The following RETREG2 variants were observed in gnomAD, a reference collection of about 807,000 sequenced individuals.
RETREG2 encodes the protein reticulophagy regulator 2.
In RETREG2, 21 loss-of-function variants were observed where a neutral mutation model predicts 51.6. The observed-to-expected ratio is 0.41, with a 90% CI of 0.29 to 0.59. RETREG2 has a LOEUF of 0.59. Among genes scored for constraint, RETREG2 ranks in the 20% least tolerant of loss-of-function variants. RETREG2 has a pLI of 0.34. For missense variants in RETREG2, 674 were observed against 646.0 expected, an observed-to-expected ratio of 1.04 and a Z score of -0.47; for synonymous variants, 339 against 288.6, an observed-to-expected ratio of 1.17 and a Z score of -1.77.
chr2:219,180,147 A>C lies in RETREG2; in HGVS notation c.457A>C (p.Ser153Arg). The C allele has an allele frequency of 6.2e-7, 1 of 1,614,124 alleles. No individual in the cohort carries two copies. Among genetic ancestry groups the C allele is most frequent in the South Asian group, 1.1e-5 (1 of 91,086 alleles). The part of the protein sequence containing the change: ...AGSGARPHLL[S>R]VPELCRYLAE... Reference sequence around the variant, plus strand: ...GTCAGGCGCCCGGCCGCACCTGCTGAGTGTGCCCGAGTTGTGCAGATACCT... The same window carrying C: ...GTCAGGCGCCCGGCCGCACCTGCTGCGTGTGCCCGAGTTGTGCAGATACCT... The change falls in exon 4 of 9, where the codon AGT becomes CGT. Residue 153 changes from serine (S) to arginine (R), a missense_variant. Transcript: ENST00000430297.
rs1402962244 is a variant in RETREG2 at position 219,184,355 on chromosome 2, G to A, written c.*1726G>A. On this transcript the variant is annotated 3_prime_UTR_variant, in exon 9 of 9. Coordinates refer to ENST00000430297, the MANE Select transcript of RETREG2 (RefSeq NM_024293.6). ...CCTTCAGCTGGAGGTACCATATGGC[G>A]ATGCTACCTGTCTTTCTGCTGGAGG... is the stretch of plus-strand genomic sequence containing the variant. The A allele has an allele frequency of 3.3e-5, 5 of 152,134 alleles. No individual in the cohort carries two copies. Among genetic ancestry groups the A allele is most frequent in the East Asian group, 3.9e-4 (2 of 5,190 alleles). 9.4% of individuals were successfully genotyped at this position (152,134 alleles called of 1,614,324 possible).
Position 219,182,309 on chromosome 2 carries a change from G to C in RETREG2, c.1312G>C (p.Val438Leu), listed in dbSNP as rs76170260. 5.6e-6 allele frequency: 9 copies of C among 1,614,010 alleles called. No individual in the cohort carries two copies. The African/African-American group carries it at 1.2e-4, about 22-fold the overall frequency. The stretch of plus-strand genomic sequence containing the variant: ...AGTGGAGACACTGAGCCCCGAGACA[G>C]TGAGTGGTGGCCTCACTGCTCTGCC... The part of the protein sequence containing the change: ...GPVETLSPET[V>L]SGGLTALPGT... The change falls in exon 9 of 9, where the codon GTG becomes CTG. Residue 438 changes from valine (V) to leucine (L), a missense_variant. Transcript: ENST00000430297.
chr2:219,180,064 G>A lies in RETREG2; in HGVS notation c.420-46G>A, dbSNP rs901636354. The stretch of plus-strand genomic sequence containing the variant: ...TTCTCAGAGGGATTTAAGTGTCTAG[G>A]AAGCTGGTATCTGAGGCCTCCAGGG... On this transcript the variant is annotated intron_variant, in intron 3 of 8. Transcript: ENST00000430297. 2.5e-6 allele frequency: 4 copies of A among 1,609,542 alleles called. No homozygotes were observed. The African/African-American group carries it at 5.4e-5, about 22-fold the overall frequency.
At position 219,183,401 on chromosome 2, in the gene RETREG2, A is replaced by C. The variant is rs188646709; in HGVS notation, c.*772A>C. ...TCCTTACTGCTCCTCTGGGTGATCC[A>C]AGTGTAGTGGGACCCCCTACTAGGG... On this transcript the variant is annotated 3_prime_UTR_variant, in exon 9 of 9. Coordinates refer to ENST00000430297, the MANE Select transcript of RETREG2 (RefSeq NM_024293.6). 1 of 152,282 alleles carries C rather than the reference A, an allele frequency of 6.6e-6. No homozygotes were observed. Among genetic ancestry groups the C allele is most frequent in the Non-Finnish European group, 1.5e-5 (1 of 68,090 alleles). The allele number at this position is 152,282 out of a possible 1,614,324, so 9.4% of individuals were successfully genotyped here. A position where few individuals can be genotyped will look rare whatever the true frequency, so the allele number is the denominator to read the frequency against.
chr2:219,184,824 G>GTTTTTTTTTT lies in RETREG2; in HGVS notation c.*2195_*2196insTTTTTTTTTT, dbSNP rs1559224153. Reference sequence around the variant, plus strand: ...TTGTTTTGGTTTTTTGTTTTTTGTGGGTTTTTTTTTTTTTTTTTTTGAGAC... The same window carrying GTTTTTTTTTT: ...TTGTTTTGGTTTTTTGTTTTTTGTGGTTTTTTTTTTGTTTTTTTTTTTTTTTTTTTGAGAC... On this transcript the variant is annotated 3_prime_UTR_variant, in exon 9 of 9. Coordinates refer to ENST00000430297, the MANE Select transcript of RETREG2 (RefSeq NM_024293.6). 1 of 36,428 alleles carries GTTTTTTTTTT rather than the reference G, an allele frequency of 2.7e-5. No individual in the cohort carries two copies. Among genetic ancestry groups the GTTTTTTTTTT allele is most frequent in the Non-Finnish European group, 9.4e-5 (1 of 10,690 alleles). The allele number at this position is 36,428 out of a possible 1,614,324, so 2.3% of individuals were successfully genotyped here.
chr2:219,181,272 G>C (rs1211252422), intron 6 of RETREG2, 67 bp downstream of exon 6: 3 of 1,607,952 alleles, frequency 1.9e-6, no homozygotes, highest in East Asian at 4.5e-5. Flanking sequence ...TTCATGAGAT[G>C]CCCTGGAATT....
chr2:219,182,179 T>C lies in RETREG2; in HGVS notation c.1182T>C (p.Ala394=), dbSNP rs1950289944. 6.2e-7 allele frequency: 1 copy of C among 1,613,952 alleles called. No homozygotes were observed. Among genetic ancestry groups the C allele is most frequent in the Non-Finnish European group, 8.5e-7 (1 of 1,180,016 alleles). The change falls in exon 9 of 9, where the codon GCT becomes GCC. Residue 394 remains alanine (A), a synonymous_variant. Coordinates refer to ENST00000430297, the MANE Select transcript of RETREG2 (RefSeq NM_024293.6). ...AGGAAGAGGAAGAGGATGTGGCAGC[T>C]AAGGAAACCTTGTTGCGGCTCTCAT... is the stretch of plus-strand genomic sequence containing the variant. ...DSEEEEEDVA[A]KETLLRLSSP... is the part of the protein sequence containing the mutation.
rs1950320927 is a variant in RETREG2 at position 219,184,327 on chromosome 2, C to T, written c.*1698C>T. On this transcript the variant is annotated 3_prime_UTR_variant, in exon 9 of 9. Coordinates refer to ENST00000430297, the MANE Select transcript of RETREG2 (RefSeq NM_024293.6). ...GGCCTCCTTTATGAGTTCATGTCCT[C>T]CGCCTTCAGCTGGAGGTACCATATG... The T allele has an allele frequency of 6.6e-6, 1 of 152,158 alleles. No homozygotes were observed. Among genetic ancestry groups the T allele is most frequent in the African/African-American group, 2.4e-5 (1 of 41,424 alleles). 9.4% of individuals were successfully genotyped at this position (152,158 alleles called of 1,614,324 possible).
chr2:219,178,681 A>AG, intron 1 of RETREG2, 48 bp downstream of exon 1: 1 of 1,407,506 alleles, frequency 7.1e-7, no homozygotes, highest in Non-Finnish European at 9.2e-7. Context: ...CGGGGGAGGG[A>AG]GGGGTCGAGA....
rs975239069 is a variant in RETREG2 at position 219,179,400 on chromosome 2, A to C, written c.389-333A>C. 3.9e-5 allele frequency among the ~76,000 whole-genome samples: 6 copies of C among 152,236 alleles called. No homozygotes were observed. The South Asian group carries it at 1.2e-3, about 31-fold the overall frequency. ...AGGTGAGGAGAGGATTAATGAGTTA[A>C]TACACATGCTATACTTATGATAGTG... On this transcript the variant is annotated intron_variant, in intron 2 of 8. Transcript: ENST00000430297.
intron 7 of RETREG2, 54 bp downstream of exon 7, chr2:219,181,517 T>C (rs1473813537): frequency 1.2e-6 from 2 of 1,607,798 alleles, no homozygotes; most frequent in East Asian, 2.2e-5. Context: ...GAAAAATCTT[T>C]CTGCTTTGGA....
chr2:219,184,883 A>AT lies in RETREG2; in HGVS notation c.*2255dup, dbSNP rs1162876802. On this transcript the variant is annotated 3_prime_UTR_variant, in exon 9 of 9. Coordinates refer to ENST00000430297, the MANE Select transcript of RETREG2 (RefSeq NM_024293.6). Reference sequence around the variant, plus strand: ...GTTCTGTTGCCCAGGCTGGAGTGCAATGGTGCAGTCTTGGTTCACTGCAAC... The same window carrying AT: ...GTTCTGTTGCCCAGGCTGGAGTGCAATTGGTGCAGTCTTGGTTCACTGCAAC... The AT allele has an allele frequency of 1.5e-5, 2 of 136,836 alleles. No homozygotes were observed. Among genetic ancestry groups the AT allele is most frequent in the Non-Finnish European group, 3.0e-5 (2 of 65,626 alleles). 8.5% of individuals were successfully genotyped at this position (136,836 alleles called of 1,614,324 possible). A position where few individuals can be genotyped will look rare whatever the true frequency, so the allele number is the denominator to read the frequency against.
chr2:219,180,073 A>G (rs1950255229), intron 3 of RETREG2, 37 bp from the exon 4 acceptor site: 3 of 1,611,326 alleles, frequency 1.9e-6, no homozygotes, highest in Admixed American at 3.3e-5. Context: ...GGAAGCTGGT[A>G]TCTGAGGCCT....
At chr2:219,179,927 G>A in intron 3 of RETREG2, 164 bp downstream of exon 3, 1 of 1,126,282 alleles carries the variant, frequency 8.9e-7, no homozygotes, top group Non-Finnish European at 1.3e-6. Context: ...TTGCGTGCCT[G>A]CTCCTTTTGG....
intron 3 of RETREG2, 105 bp from the exon 4 acceptor site, chr2:219,180,005 C>T (rs560512323): frequency 1.9e-5 from 27 of 1,452,624 alleles, no homozygotes; most frequent in Non-Finnish European, 2.6e-5. Context: ...GAGGTGGGGT[C>T]ATTTGCTTTT....
chr2:219,182,974 C>T lies in RETREG2; in HGVS notation c.*345C>T, dbSNP rs1038917716. The stretch of plus-strand genomic sequence containing the variant: ...CCTGGTGGTCTGGCCCTTTCTTTTT[C>T]CTCCTATCCTCAGGGACCTGTGCTG... On this transcript the variant is annotated 3_prime_UTR_variant, in exon 9 of 9. Transcript: ENST00000430297. 4 of 326,470 alleles carry T rather than the reference C, an allele frequency of 1.2e-5. No homozygotes were observed. Among genetic ancestry groups the T allele is most frequent in the Non-Finnish European group, 1.7e-5 (3 of 172,582 alleles). 20.2% of individuals were successfully genotyped at this position (326,470 alleles called of 1,614,324 possible).
At position 219,182,141 on chromosome 2, in the gene RETREG2, G is replaced by C. The variant is rs1375746437; in HGVS notation, c.1144G>C (p.Ala382Pro). ...LGRPQALSRQ[A>P]LDSEEEEEDV... The stretch of plus-strand genomic sequence containing the variant: ...CCGTCCTCAAGCTCTGTCAAGGCAA[G>C]CCCTGGACTCGGAGGAAGAGGAAGA... The change falls in exon 9 of 9, where the codon GCC becomes CCC. Residue 382 changes from alanine (A) to proline (P), a missense_variant. Physicochemically the swap from Ala to Pro is conservative, Grantham distance 27 (BLOSUM62 -1). Coordinates refer to ENST00000430297, the MANE Select transcript of RETREG2 (RefSeq NM_024293.6). 2.5e-6 allele frequency: 4 copies of C among 1,614,122 alleles called. No individual in the cohort carries two copies. Among genetic ancestry groups the C allele is most frequent in the Admixed American group, 3.3e-5 (2 of 60,024 alleles).
chr2:219,181,788 C>G lies in RETREG2; in HGVS notation c.1015+13C>G, dbSNP rs1402843863. ...GATGTCTCCGAGGGTATGGGGAGCCCTTTGCTGCCCTGCTCCCCGCCACAA... is the reference window on the plus strand; with the variant it reads ...GATGTCTCCGAGGGTATGGGGAGCCGTTTGCTGCCCTGCTCCCCGCCACAA... On this transcript the variant is annotated intron_variant, in intron 8 of 8. Coordinates refer to ENST00000430297, the MANE Select transcript of RETREG2 (RefSeq NM_024293.6). 5.0e-6 allele frequency: 8 copies of G among 1,608,450 alleles called. No individual in the cohort carries two copies. Among genetic ancestry groups the G allele is most frequent in the East Asian group, 2.2e-5 (1 of 44,794 alleles).
chr2:219,185,285 A>T lies in RETREG2; in HGVS notation c.*2656A>T, dbSNP rs1258800334. On this transcript the variant is annotated 3_prime_UTR_variant, in exon 9 of 9. Coordinates refer to ENST00000430297, the MANE Select transcript of RETREG2 (RefSeq NM_024293.6). ...AGTAAAAGAAAAAAGCAGAAATGTG[A>T]AACCTACAATTAGGCTAAACAAAAA... The T allele has an allele frequency of 6.6e-6, 1 of 152,206 alleles. No homozygotes were observed. The highest frequency in any genetic ancestry group is 1.5e-5 in the Non-Finnish European group (1 of 68,038). The allele number at this position is 152,206 out of a possible 1,614,324, so 9.4% of individuals were successfully genotyped here.
Sources: allele counts gnomAD v4.1 joint callset (sites outside exome capture counted in the v4.1 genomes callset), GRCh38; gene constraint gnomAD v4.1.1; transcripts MANE v1.5; gene names NCBI Gene and HGNC (gene_info 2026-07-23, HGNC 2026-07-21).